The following FGF12 variants were observed in gnomAD, a reference collection of about 807,000 sequenced individuals.
FGF12 encodes the protein fibroblast growth factor 12, also known as fibroblast growth factor 12B.
A neutral mutation model predicts 23.6 loss-of-function variants in FGF12; 14 were observed. The ratio of observed to expected loss-of-function variants is 0.59; its 90% CI spans 0.39 to 0.93. FGF12 has a LOEUF of 0.93. FGF12 is among the 40% of genes least tolerant of loss of function. The pLI, the probability that FGF12 is intolerant of heterozygous loss-of-function variation, is 0.00. For missense variants in FGF12, 175 were observed against 217.8 expected (o/e 0.80, Z 1.24); for synonymous variants, 62 against 77.3 (o/e 0.80, Z 1.04).
At chr3:192,344,494 A>G (rs982369566) in intron 3 of FGF12, among the ~76,000 whole-genome samples, 1 of 152,204 alleles carries the variant, frequency 6.6e-6, no homozygotes, top group Non-Finnish European at 1.5e-5. Flanking sequence ...CACTGCTTTA[A>G]GTATGATGTC....
chr3:192,390,990 T>C (rs1027530565), intron 2 of FGF12, among the ~76,000 whole-genome samples: 31 of 152,258 alleles, frequency 2.0e-4, no homozygotes, highest in Non-Finnish European at 1.5e-4. Context: ...ATCTAGCACG[T>C]AGTTGAAAAT....
intron 2 of FGF12, among the ~76,000 whole-genome samples, chr3:192,672,402 G>A (rs993596662): frequency 6.6e-6 from 1 of 150,718 alleles, no homozygotes; most frequent in Non-Finnish European, 1.5e-5. Flanking sequence ...CCAAGTAGAT[G>A]AACACACATT....
intron 4 of FGF12, among the ~76,000 whole-genome samples, chr3:192,319,594 CAAATAAAT>C (rs556846919): frequency 4.0e-5 from 6 of 151,350 alleles, no homozygotes; most frequent in Admixed American, 4.0e-4. Flanking sequence ...AAGACTGTCT[CAAATAAAT>C]AAATAAATAA....
rs145263621 is a variant in FGF12 at position 192,436,233 on chromosome 3, A to C, written c.14-75695T>G. On this transcript the variant is annotated intron_variant, in intron 2 of 5. Coordinates refer to ENST00000445105, the MANE Select transcript of FGF12 (RefSeq NM_004113.6). ...AGAAGCCTCCTGGGCCAAAAATTAG[A>C]TACTTTGTTGTAGAGCAGTACCATA... is the stretch of plus-strand genomic sequence containing the variant. Among the ~76,000 whole-genome samples, 550 of 152,316 alleles carry C rather than the reference A, an allele frequency of 3.6e-3. 6 individuals are homozygous for C. Among genetic ancestry groups the C allele is most frequent in the African/African-American group, 0.013 (521 of 41,560 alleles).
rs73064512 is a variant in FGF12 at position 192,215,926 on chromosome 3, C to A, written c.229-45270G>T. On this transcript the variant is annotated intron_variant, in intron 4 of 5. Coordinates refer to ENST00000445105, the MANE Select transcript of FGF12 (RefSeq NM_004113.6). The stretch of plus-strand genomic sequence containing the variant: ...AGACTCCTCCTTCTTCACTTTGCTG[C>A]CCTCCTCTCTATGCATCCCACTATC... Among the ~76,000 whole-genome samples the A allele has an allele frequency of 1.3e-3, 202 of 152,116 alleles. 2 individuals are homozygous for A. Among genetic ancestry groups the A allele is most frequent in the African/African-American group, 4.6e-3 (193 of 41,506 alleles).
At chr3:192,318,592 A>G (rs573660611) in intron 4 of FGF12, among the ~76,000 whole-genome samples, 1 of 152,284 alleles carries the variant, frequency 6.6e-6, no homozygotes, top group African/African-American at 2.4e-5. Context: ...GATCTAGAAA[A>G]TAACATCAAA....
intron 4 of FGF12, among the ~76,000 whole-genome samples, chr3:192,329,421 C>T (rs1206589498): frequency 6.6e-6 from 1 of 152,132 alleles, no homozygotes; most frequent in Non-Finnish European, 1.5e-5. Flanking sequence ...TATCAAGTTA[C>T]CTAAAATATT....
chr3:192,420,357 C>T (rs1721486886), intron 2 of FGF12, among the ~76,000 whole-genome samples: 3 of 152,166 alleles, frequency 2.0e-5, no homozygotes, highest in Admixed American at 6.6e-5. Context: ...ACCAATTCCA[C>T]TAAAAGTAAT....
chr3:192,636,004 G>A (rs1048972758), intron 2 of FGF12, among the ~76,000 whole-genome samples: 1 of 152,130 alleles, frequency 6.6e-6, no homozygotes, highest in Non-Finnish European at 1.5e-5. Context: ...ACAACCAATT[G>A]ACACTAGCTA....
chr3:192,437,269 T>C (rs980110219), intron 2 of FGF12, among the ~76,000 whole-genome samples: 4 of 152,306 alleles, frequency 2.6e-5, no homozygotes, highest in African/African-American at 9.6e-5. Flanking sequence ...ATAGAAATAC[T>C]ATCATCTTTG....
At chr3:192,589,075 G>A (rs1713513018) in intron 2 of FGF12, among the ~76,000 whole-genome samples, 2 of 151,764 alleles carry the variant, frequency 1.3e-5, no homozygotes, top group African/African-American at 4.8e-5. Context: ...GGTGGCTCAC[G>A]CCTGTAATCC....
chr3:192,316,183 A>G (rs1448414300), intron 4 of FGF12, among the ~76,000 whole-genome samples: 1 of 152,084 alleles, frequency 6.6e-6, no homozygotes, highest in Non-Finnish European at 1.5e-5. Flanking sequence ...ATAATAATAG[A>G]TCATTGAGGT....
At chr3:192,286,944 A>C (rs1418246547) in intron 4 of FGF12, among the ~76,000 whole-genome samples, 1 of 152,046 alleles carries the variant, frequency 6.6e-6, no homozygotes, top group East Asian at 1.9e-4. Context: ...CAGGGTTTAC[A>C]TCCTATGCAA....
intron 2 of FGF12, among the ~76,000 whole-genome samples, chr3:192,669,662 C>A (rs572988986): frequency 6.3e-4 from 94 of 148,118 alleles, no homozygotes; most frequent in Non-Finnish European, 1.2e-3. Flanking sequence ...TCCTGGATGT[C>A]CCCAGAAATT....
chr3:192,623,959 A>G (rs1246378785), intron 2 of FGF12, among the ~76,000 whole-genome samples: 3 of 152,196 alleles, frequency 2.0e-5, no homozygotes, highest in Non-Finnish European at 1.5e-5. Flanking sequence ...TGTATAATCA[A>G]TTTTAAGACT....
At chr3:192,159,146 A>G (rs1247451142) in intron 5 of FGF12, among the ~76,000 whole-genome samples, 1 of 152,160 alleles carries the variant, frequency 6.6e-6, no homozygotes, top group Non-Finnish European at 1.5e-5. Context: ...TTAATATTCA[A>G]TATTACCTTC....
intron 5 of FGF12, among the ~76,000 whole-genome samples, chr3:192,150,069 T>C: frequency 1.1e-5 from 1 of 90,948 alleles, no homozygotes; most frequent in Non-Finnish European, 2.3e-5. Context: ...TGGCCAGTGA[T>C]GATGAGCATT....
rs574440691 is a variant in FGF12, at chr3:192,307,913, C to T, written c.228+27448G>A. 2.6e-5 allele frequency among the ~76,000 whole-genome samples: 4 copies of T among 152,270 alleles called. No individual in the cohort carries two copies. The East Asian group carries it at 7.7e-4, about 29-fold the overall frequency. Reference sequence around the variant, plus strand: ...TGTACAACTCCATTTTACATTTTCACACCATACATCTTAGATAGTAGGGAC... The same window carrying T: ...TGTACAACTCCATTTTACATTTTCATACCATACATCTTAGATAGTAGGGAC... On this transcript the variant is annotated intron_variant, in intron 4 of 5. Coordinates refer to ENST00000445105, the MANE Select transcript of FGF12 (RefSeq NM_004113.6).
intron 2 of FGF12, among the ~76,000 whole-genome samples, chr3:192,433,564 G>A (rs1576978471): frequency 6.6e-6 from 1 of 152,076 alleles, no homozygotes. Context: ...TAACATAAAT[G>A]TTAACAATAT....
Sources: gnomAD v4.1 joint callset for allele counts (sites outside exome capture counted in the v4.1 genomes callset) on GRCh38, gnomAD v4.1.1 for gene constraint, MANE v1.5 for transcripts, NCBI Gene and HGNC (gene_info 2026-07-23, HGNC 2026-07-21) for gene names.